Variants in USP45 observed in about 807,000 individuals in gnomAD.
USP45 encodes the protein ubiquitin specific peptidase 45.
A neutral mutation model predicts 95.8 loss-of-function variants in USP45; 89 were observed. That is an observed-to-expected ratio of 0.93 (90% confidence interval 0.78 to 1.11). USP45 has a LOEUF of 1.11. Ranked by LOEUF, USP45 falls within the 50% of genes least tolerant of loss-of-function variation. The pLI is 0.00. For missense variants in USP45, 898 were observed against 942.5 expected, an observed-to-expected ratio of 0.95 and a Z score of 0.62; for synonymous variants, 281 against 316.2, an observed-to-expected ratio of 0.89 and a Z score of 1.18.
At chr6:99,467,343 G>A (rs1037919402) in intron 10 of USP45, among the ~76,000 whole-genome samples, 9 of 152,090 alleles carry the variant, frequency 5.9e-5, no homozygotes, top group Non-Finnish European at 1.3e-4. Context: ...AGTTTAAGTT[G>A]GGTGACAGAT....
intron 7 of USP45, among the ~76,000 whole-genome samples, chr6:99,487,359 G>C (rs553736530): frequency 6.6e-6 from 1 of 152,272 alleles, no homozygotes; most frequent in South Asian, 2.1e-4. Flanking sequence ...CCTACTATCA[G>C]ATTGTTATTC....
At chr6:99,439,903 C>A in intron 15 of USP45, 48 bp from the exon 16 acceptor site, 2 of 1,466,810 alleles carry the variant, frequency 1.4e-6, no homozygotes, top group Non-Finnish European at 1.9e-6. Context: ...AGAAATAAAG[C>A]ATTGTCTTTG....
intron 13 of USP45, chr6:99,461,062 C>T (rs1786329058): frequency 1.0e-6 from 1 of 984,932 alleles, no homozygotes; most frequent in African/African-American, 1.7e-5. Flanking sequence ...TACCAGAGCA[C>T]AATGCACTTC....
intron 13 of USP45, chr6:99,461,301 G>A (rs1786412287): frequency 2.0e-6 from 2 of 985,276 alleles, no homozygotes; most frequent in Non-Finnish European, 2.4e-6. Context: ...GGGGAAAGAA[G>A]GGAAGAAAAA....
At chr6:99,455,729 A>G (rs1583069083) in intron 13 of USP45, among the ~76,000 whole-genome samples, 1 of 151,050 alleles carries the variant, frequency 6.6e-6, no homozygotes, top group African/African-American at 2.4e-5. Flanking sequence ...ATTTGCATCA[A>G]CATGGGTTGA....
At chr6:99,446,505 C>T (rs1204254893) in intron 13 of USP45, 42 bp from the exon 14 acceptor site, 5 of 1,516,968 alleles carry the variant, frequency 3.3e-6, no homozygotes, top group Admixed American at 4.2e-5. Flanking sequence ...GTCTTGTAAC[C>T]TCATTGAAAA....
chr6:99,481,701 C>T (rs1485750094), intron 8 of USP45, among the ~76,000 whole-genome samples: 1 of 152,186 alleles, frequency 6.6e-6, no homozygotes, highest in Non-Finnish European at 1.5e-5. Flanking sequence ...CCACTCTCTA[C>T]TGTTGCCATC....
At chr6:99,510,662 G>A (rs1799580857) in intron 1 of USP45, among the ~76,000 whole-genome samples, 1 of 152,036 alleles carries the variant, frequency 6.6e-6, no homozygotes. Flanking sequence ...AAACCAGGAA[G>A]AAGGCCCTCA....
intron 9 of USP45, 77 bp downstream of exon 9, chr6:99,476,066 C>T: frequency 5.9e-6 from 8 of 1,364,410 alleles, no homozygotes; most frequent in Non-Finnish European, 8.2e-6. Context: ...ATCCACCCCG[C>T]CTTGGCCCCC....
intron 13 of USP45, chr6:99,461,718 A>C (rs1786505092): frequency 1.2e-5 from 12 of 985,090 alleles, no homozygotes; most frequent in African/African-American, 1.7e-5. Flanking sequence ...TAAAAAACTC[A>C]AAAACTTATG....
rs764814783 is a variant in USP45, at chr6:99,476,168, T to A, written c.908A>T (p.Asp303Val). 3 of 1,613,958 alleles carry A rather than the reference T, an allele frequency of 1.9e-6. No individual in the cohort carries two copies. The highest frequency in any genetic ancestry group is 2.2e-5 in the South Asian group (2 of 91,086). Residue 303 changes from aspartate to valine, a missense_variant, in exon 9 of 18, where the codon GAT (aspartate) becomes GTT (valine). Transcript: ENST00000500704. The stretch of plus-strand genomic sequence containing the variant: ...CTTTGTTTCTTCTGTCCTCACTGCA[T>A]CCAGAAGATAATGAAGAAGCTCCTG... The part of the protein sequence containing the change: ...DSQELLHYLL[D>V]AVRTEETKRI...
At position 99,451,356 on chromosome 6, in the gene USP45, G is replaced by A. The variant is rs558067216; in HGVS notation, c.1309-4893C>T. On this transcript the variant is annotated intron_variant, in intron 13 of 17. Transcript: ENST00000500704. ...CAAAGTCTCAGGATACAAAATCAAC[G>A]TGCAAAAATCACAAGCATTCTTATA... Among the ~76,000 whole-genome samples the A allele has an allele frequency of 1.3e-3, 202 of 152,236 alleles. 2 individuals are homozygous for A. Among genetic ancestry groups the A allele is most frequent in the African/African-American group, 4.7e-3 (197 of 41,538 alleles).
Position 99,439,864 on chromosome 6 carries a change from G to A in USP45, c.2074-9C>T, listed in dbSNP as rs1256879654. The A allele has an allele frequency of 6.3e-7, 1 of 1,584,758 alleles. No individual in the cohort carries two copies. The highest frequency in any genetic ancestry group is 8.6e-7 in the Non-Finnish European group (1 of 1,168,088). ...CGAAGACTCAAGCCAGCCTTAAAAAGACCAAAACATTTTTGAAATGCAACA... is the reference window on the plus strand; with the variant it reads ...CGAAGACTCAAGCCAGCCTTAAAAAAACCAAAACATTTTTGAAATGCAACA... On this transcript the variant is annotated splice_polypyrimidine_tract_variant and intron_variant, in intron 15 of 17. Coordinates refer to ENST00000500704, the MANE Select transcript of USP45 (RefSeq NM_001346022.3).
intron 1 of USP45, among the ~76,000 whole-genome samples, chr6:99,513,298 C>A (rs902918140): frequency 1.3e-5 from 2 of 152,182 alleles, no homozygotes; most frequent in African/African-American, 4.8e-5. Flanking sequence ...AACTTACATA[C>A]TATCCACAGA....
In USP45 at chr6:99,443,647, C is replaced by A. The variant is rs887485253; in HGVS notation, c.1991G>T (p.Gly664Val). The A allele has an allele frequency of 1.9e-6, 3 of 1,591,548 alleles. No individual in the cohort carries two copies. The highest frequency in any genetic ancestry group is 2.6e-6 in the Non-Finnish European group (3 of 1,168,070). Reference protein sequence around the residue: ...ETSFAEKKVEGVYTNARKQLL... With the variant: ...ETSFAEKKVEVVYTNARKQLL... Reference sequence around the variant, plus strand: ...TTGCTTCCTGGCATTAGTATAAACTCCTTCTACTTTCTTTTCTACATAAAA... The same window carrying A: ...TTGCTTCCTGGCATTAGTATAAACTACTTCTACTTTCTTTTCTACATAAAA... Residue 664 changes from glycine (G) to valine (V), a missense_variant, in exon 15 of 18, where the codon GGA becomes GTA. Coordinates refer to ENST00000500704, the MANE Select transcript of USP45 (RefSeq NM_001346022.3).
At chr6:99,513,224 T>C (rs1217312582) in intron 1 of USP45, among the ~76,000 whole-genome samples, 1 of 152,180 alleles carries the variant, frequency 6.6e-6, no homozygotes, top group African/African-American at 2.4e-5. Flanking sequence ...ATTTTCTCCA[T>C]GTCGGGAGAA....
upstream of USP45, among the ~76,000 whole-genome samples, chr6:99,516,643 A>C (rs73760083): frequency 0.084 from 12,793 of 152,114 alleles, 1,681 homozygotes; most frequent in African/African-American, 0.28. Context: ...GGTTAGGATA[A>C]TTTTTTTCCC....
chr6:99,483,118 T>C (rs1583284081), intron 7 of USP45, among the ~76,000 whole-genome samples: 5 of 152,298 alleles, frequency 3.3e-5, no homozygotes, highest in Admixed American at 3.3e-4. Flanking sequence ...TTAGATCAAA[T>C]GATATCACCA....
At chr6:99,484,631 C>T (rs1052451260) in intron 7 of USP45, among the ~76,000 whole-genome samples, 2 of 151,932 alleles carry the variant, frequency 1.3e-5, no homozygotes, top group African/African-American at 2.4e-5. Context: ...GACTCCGTCT[C>T]TGCAAAAAAA....
Sources: allele counts gnomAD v4.1 joint callset (sites outside exome capture counted in the v4.1 genomes callset), GRCh38; gene constraint gnomAD v4.1.1; transcripts MANE v1.5; gene names NCBI Gene and HGNC (gene_info 2026-07-23, HGNC 2026-07-21).